The following MIOS variants were observed in gnomAD, a reference collection of about 807,000 sequenced individuals.
MIOS encodes the protein GATOR2 complex protein MIOS.
In MIOS, 52 loss-of-function variants were observed where a neutral mutation model predicts 96.9. The ratio of observed to expected loss-of-function variants is 0.54; its 90% CI spans 0.43 to 0.68. The LOEUF (loss-of-function observed/expected upper bound fraction) is 0.68. MIOS is among the 30% of genes least tolerant of loss of function. The probability of loss-of-function intolerance (pLI) is 0.00; values close to 1 mark genes in which losing one functional copy is unlikely to be tolerated. For synonymous variants in MIOS, 397 were observed against 359.5 expected (o/e 1.10, Z -1.18); for missense variants, 1,005 against 1,052.8 (o/e 0.95, Z 0.63).
intron 5 of MIOS, among the ~76,000 whole-genome samples, chr7:7,580,374 A>G (rs1351980831): frequency 6.6e-6 from 1 of 152,166 alleles, no homozygotes; most frequent in East Asian, 1.9e-4. Flanking sequence ...AGTGGGTAGG[A>G]AGTGCTGTTA....
chr7:7,587,557 G>C (rs1295830941), intron 7 of MIOS, among the ~76,000 whole-genome samples: 2 of 152,188 alleles, frequency 1.3e-5, no homozygotes, highest in East Asian at 3.8e-4. Flanking sequence ...TAGCCATTCA[G>C]TTAATTTTTT....
At chr7:7,601,726 G>T (rs929158983) in intron 11 of MIOS, among the ~76,000 whole-genome samples, 1 of 152,152 alleles carries the variant, frequency 6.6e-6, no homozygotes, top group African/African-American at 2.4e-5. Context: ...ATTTTATGAG[G>T]CCAGCATCAT....
Position 7,583,302 on chromosome 7 carries a change from T to C in MIOS, c.1578T>C (p.Ala526=), listed in dbSNP as rs562472151. 1.4e-4 allele frequency: 218 copies of C among 1,614,080 alleles called. 2 individuals are homozygous for C. In the East Asian group the frequency reaches 4.7e-3, roughly 35 times the overall value. ...VQEGEWERAA[A]VALFNLDIRR... ...AAGGGGAATGGGAAAGAGCTGCTGC[T>C]GTGGCATTGTTCAACTTGGATATTC... The change falls in exon 6 of 13, where the codon GCT becomes GCC. Residue 526 remains alanine (A), a synonymous_variant. Coordinates refer to ENST00000340080, the MANE Select transcript of MIOS (RefSeq NM_019005.4).
intron 11 of MIOS, among the ~76,000 whole-genome samples, chr7:7,600,826 T>A (rs893679095): frequency 6.6e-6 from 1 of 152,130 alleles, no homozygotes; most frequent in Non-Finnish European, 1.5e-5. Flanking sequence ...AGTAAAGCAC[T>A]CCTCAGCAAA....
In MIOS at chr7:7,572,453, A is replaced by C; in HGVS notation, c.-23A>C. On this transcript the variant is annotated 5_prime_UTR_variant, in exon 4 of 13. Transcript: ENST00000340080. This position sits in a 1 kb window ranked among gnomAD's most constrained non-coding sequence, Gnocchi z 4.8. The stretch of plus-strand genomic sequence containing the variant: ...ATTTTCAGTGAATGGACCTGAGTGG[A>C]CCCTTTGATCACATCAGTAAACATG... 6.4e-7 allele frequency: 1 copy of C among 1,565,838 alleles called. No individual in the cohort carries two copies. Among genetic ancestry groups the C allele is most frequent in the Non-Finnish European group, 8.7e-7 (1 of 1,146,218 alleles).
intron 3 of MIOS, among the ~76,000 whole-genome samples, chr7:7,568,746 C>A (rs1281312482): frequency 6.6e-6 from 1 of 152,180 alleles, no homozygotes; most frequent in Non-Finnish European, 1.5e-5. Context: ...AGTTGAGAGA[C>A]CTTGGATAAC....
chr7:7,575,024 A>C (rs1783483839), intron 5 of MIOS, among the ~76,000 whole-genome samples: 1 of 152,128 alleles, frequency 6.6e-6, no homozygotes, highest in Non-Finnish European at 1.5e-5. Context: ...CTCAGCACTT[A>C]GAAAGTTTCA....
Position 7,606,996 on chromosome 7 carries a change from G to A in MIOS, c.2532G>A (p.Arg844=), listed in dbSNP as rs1343955804. The change falls in exon 13 of 13, where the codon AGG becomes AGA. Residue 844 remains arginine, a splice_region_variant and synonymous_variant. Transcript: ENST00000340080. The stretch of plus-strand genomic sequence containing the variant: ...ACTGTTATTTGACCTATTTTTTTAG[G>A]GACCATGCAGAGTGCCCTGTGTCGG... The part of the protein sequence containing the change: ...GHAGHMLSWF[R]DHAECPVSAC... 1.2e-5 allele frequency: 20 copies of A among 1,603,542 alleles called. No homozygotes were observed. Among genetic ancestry groups the A allele is most frequent in the Non-Finnish European group, 1.7e-5 (20 of 1,175,250 alleles).
chr7:7,597,182 C>T (rs961068418), intron 11 of MIOS, among the ~76,000 whole-genome samples: 6 of 151,468 alleles, frequency 4.0e-5, no homozygotes, highest in East Asian at 2.0e-4. Context: ...AAAAATTAGC[C>T]GGGCGTGGTG....
intron 9 of MIOS, among the ~76,000 whole-genome samples, chr7:7,593,782 A>C (rs1277078348): frequency 6.7e-6 from 1 of 149,990 alleles, no homozygotes; most frequent in Admixed American, 6.7e-5. Context: ...CAGCTACTCA[A>C]GCAGGAGAAT....
rs778971268 is a variant in MIOS at position 7,573,696 on chromosome 7, G to C, written c.1221G>C (p.Glu407Asp). The change falls in exon 4 of 13, where the codon GAG becomes GAC. Residue 407 changes from glutamate to aspartate, a missense_variant. Physicochemically the swap from Glu to Asp is conservative, Grantham distance 45. Around this residue, in one of 3 missense-constraint regions of MIOS, gnomAD observed 865 missense variants for 887.9 expected, o/e 0.97. Transcript: ENST00000340080. This position sits in a 1 kb window ranked among gnomAD's most constrained non-coding sequence, Gnocchi z 5.0. ...RALSRYGLDT[E>D]QVWRNHILAG... ...TATCAAGGTATGGACTTGATACAGA[G>C]CAGGTGTGGAGGAACCACATTTTAG... 1.2e-6 allele frequency: 2 copies of C among 1,613,686 alleles called. No individual in the cohort carries two copies. The highest frequency in any genetic ancestry group is 2.2e-5 in the South Asian group (2 of 91,080).
At chr7:7,603,857 A>G (rs958995922) in intron 11 of MIOS, among the ~76,000 whole-genome samples, 9 of 151,906 alleles carry the variant, frequency 5.9e-5, no homozygotes, top group Non-Finnish European at 1.2e-4. Flanking sequence ...TGTGGCACAT[A>G]TACACCATGG....
chr7:7,602,024 C>A (rs1041348004), intron 11 of MIOS, among the ~76,000 whole-genome samples: 5 of 152,116 alleles, frequency 3.3e-5, no homozygotes, highest in Non-Finnish European at 7.4e-5. Flanking sequence ...ATTCAACAAC[C>A]CTTCATGCTA....
At position 7,573,963 on chromosome 7, in the gene MIOS, A is replaced by G; in HGVS notation, c.1295-135A>G. On this transcript the variant is annotated intron_variant, in intron 4 of 12. Coordinates refer to ENST00000340080, the MANE Select transcript of MIOS (RefSeq NM_019005.4). The surrounding 1 kb of genome is among the most constrained non-coding windows in gnomAD (Gnocchi z 5.0). ...CTTTGTAGATTGTGTAGGAGGAAGA[A>G]AAGTGTATCTCTGCAATAGAGTCGA... 1 of 886,000 alleles carries G rather than the reference A, an allele frequency of 1.1e-6. No individual in the cohort carries two copies. The highest frequency in any genetic ancestry group is 3.0e-5 in the Admixed American group (1 of 33,822). 54.9% of individuals were successfully genotyped at this position (886,000 alleles called of 1,614,324 possible).
chr7:7,598,533 G>A (rs1353459474), intron 11 of MIOS, among the ~76,000 whole-genome samples: 1 of 148,868 alleles, frequency 6.7e-6, no homozygotes, highest in African/African-American at 2.6e-5. Context: ...GTTAACTCTG[G>A]TCCTAATAAA....
intron 6 of MIOS, among the ~76,000 whole-genome samples, chr7:7,585,231 A>G (rs1455011334): frequency 6.6e-6 from 1 of 152,170 alleles, no homozygotes; most frequent in Non-Finnish European, 1.5e-5. Context: ...AATAACATAC[A>G]TATATGGGAA....
intron 9 of MIOS, among the ~76,000 whole-genome samples, chr7:7,594,311 CTT>C (rs35612249): frequency 1.3e-3 from 197 of 147,660 alleles, no homozygotes; most frequent in Admixed American, 1.5e-3. Flanking sequence ...TGCATTTGGA[CTT>C]TTTTTTTTTT....
rs538114870 is a variant in MIOS, at chr7:7,573,935, C to G, written c.1295-163C>G. 3.3e-5 allele frequency among the ~76,000 whole-genome samples: 5 copies of G among 152,292 alleles called. No homozygotes were observed. The highest frequency in any genetic ancestry group is 3.4e-3 in the Middle Eastern group (1 of 294). ...GTTCTAAACTTTCGAACTTGAAATA[C>G]TGCTTTGTAGATTGTGTAGGAGGAA... On this transcript the variant is annotated intron_variant, in intron 4 of 12. Coordinates refer to ENST00000340080, the MANE Select transcript of MIOS (RefSeq NM_019005.4). This position sits in a 1 kb window ranked among gnomAD's most constrained non-coding sequence, Gnocchi z 5.0.
intron 5 of MIOS, among the ~76,000 whole-genome samples, chr7:7,577,629 C>G (rs1022171915): frequency 2.0e-5 from 3 of 152,114 alleles, no homozygotes; most frequent in Non-Finnish European, 4.4e-5. Flanking sequence ...GGAATGGGAT[C>G]CAGAGCACAG....
Sources: gnomAD v4.1 joint callset for allele counts (sites outside exome capture counted in the v4.1 genomes callset) on GRCh38, gnomAD v4.1.1 for gene constraint, gnomAD v4.1.1 regional missense constraint, Gnocchi (gnomAD v3.1) non-coding constraint, MANE v1.5 for transcripts, NCBI Gene and HGNC (gene_info 2026-07-23, HGNC 2026-07-21) for gene names.